Variants in NEDD4 observed in about 807,000 individuals in gnomAD.
NEDD4 encodes NEDD4 E3 ubiquitin protein ligase.
Under a neutral mutation model 144.9 loss-of-function variants are expected in NEDD4, and 99 were observed. The ratio of observed to expected loss-of-function variants is 0.68; its 90% confidence interval spans 0.58 to 0.81. The LOEUF is 0.81. NEDD4 is among the 30% of genes least tolerant of loss of function. The probability of loss-of-function intolerance (pLI) is 0.00; values close to 1 mark genes in which losing one functional copy is unlikely to be tolerated. For missense variants in NEDD4, 985 were observed against 1,065.9 expected, an observed-to-expected ratio of 0.92 and a Z score of 1.06; for synonymous variants, 318 against 350.6, an observed-to-expected ratio of 0.91 and a Z score of 1.04.
At chr15:55,990,802 A>G (rs1189380108) in intron 1 of NEDD4, among the ~76,000 whole-genome samples, 4 of 152,200 alleles carry the variant, frequency 2.6e-5, no homozygotes, top group Non-Finnish European at 5.9e-5. Context: ...GCTCTCCAAT[A>G]AAGATCAGTG....
intron 5 of NEDD4, among the ~76,000 whole-genome samples, chr15:55,889,573 G>C (rs1185815192): frequency 6.6e-6 from 1 of 152,148 alleles, no homozygotes. Flanking sequence ...AGGCTAACAA[G>C]GGTAGTGGGG....
At position 55,874,006 on chromosome 15, in the gene NEDD4, T is replaced by C. The variant is rs1422536893; in HGVS notation, c.294A>G (p.Thr98=). The part of the protein sequence containing the change: ...LFEVFDENRL[T]RDDFLGQVDV... ...CCACTTGACCTAGGAAATCATCTCTTGTCTATAAGAGAAGGAAGAAAAAAT... is the reference window on the plus strand; with the variant it reads ...CCACTTGACCTAGGAAATCATCTCTCGTCTATAAGAGAAGGAAGAAAAAAT... Residue 98 remains threonine, a splice_region_variant and synonymous_variant, in exon 6 of 29, where the codon ACA becomes ACG. Coordinates refer to ENST00000435532, the MANE Select transcript of NEDD4 (RefSeq NM_006154.4). 2 of 1,521,872 alleles carry C rather than the reference T, an allele frequency of 1.3e-6. No individual in the cohort carries two copies. Among genetic ancestry groups the C allele is most frequent in the African/African-American group, 1.4e-5 (1 of 72,734 alleles). 94.3% of individuals were successfully genotyped at this position (1,521,872 alleles called of 1,614,324 possible). A position where few individuals can be genotyped will look rare whatever the true frequency, so the allele number is the denominator to read the frequency against.
At chr15:55,833,553 C>T (rs180855906) in intron 26 of NEDD4, among the ~76,000 whole-genome samples, 3 of 152,024 alleles carry the variant, frequency 2.0e-5, no homozygotes, top group Admixed American at 6.6e-5. Flanking sequence ...CCCAGCTACT[C>T]GGGAAGCTGA....
rs2032856771 is a variant in NEDD4, at chr15:55,829,797, A to G, written c.*100T>C. 4.3e-6 allele frequency: 3 copies of G among 703,906 alleles called. No individual in the cohort carries two copies. Among genetic ancestry groups the G allele is most frequent in the Middle Eastern group, 3.4e-4 (1 of 2,956 alleles). 43.6% of individuals were successfully genotyped at this position (703,906 alleles called of 1,614,324 possible). A position where few individuals can be genotyped will look rare whatever the true frequency, so the allele number is the denominator to read the frequency against. ...ATGATTTTCTTCAAGATCTGGGAAGACTCAGTGGCCACATTTTAGTAGTTC... is the reference window on the plus strand; with the variant it reads ...ATGATTTTCTTCAAGATCTGGGAAGGCTCAGTGGCCACATTTTAGTAGTTC... On this transcript the variant is annotated 3_prime_UTR_variant, in exon 29 of 29. Coordinates refer to ENST00000435532, the MANE Select transcript of NEDD4 (RefSeq NM_006154.4).
chr15:55,892,321 TAATA>T (rs1307734876), intron 5 of NEDD4, among the ~76,000 whole-genome samples: 1 of 141,152 alleles, frequency 7.1e-6, no homozygotes, highest in Non-Finnish European at 1.6e-5. Context: ...AATAAATAAA[TAATA>T]AATATGAATT....
intron 13 of NEDD4, among the ~76,000 whole-genome samples, chr15:55,851,507 G>A (rs745624523): frequency 2.7e-5 from 4 of 149,982 alleles, no homozygotes; most frequent in Non-Finnish European, 4.4e-5. Context: ...ATGGAGTTTC[G>A]CTCTTGTTGC....
At chr15:55,875,362 T>G (rs922414519) in intron 5 of NEDD4, among the ~76,000 whole-genome samples, 5 of 152,188 alleles carry the variant, frequency 3.3e-5, no homozygotes, top group Admixed American at 1.3e-4. Context: ...CTAGCTGGAG[T>G]GCAGTGGTGC....
intron 5 of NEDD4, among the ~76,000 whole-genome samples, chr15:55,910,294 A>G (rs886667715): frequency 1.1e-4 from 17 of 151,904 alleles, no homozygotes; most frequent in African/African-American, 4.1e-4. Context: ...TCTGGCTTTT[A>G]ACCCCGCATT....
intron 4 of NEDD4, among the ~76,000 whole-genome samples, chr15:55,944,066 G>T (rs1235258976): frequency 1.3e-5 from 2 of 152,216 alleles, no homozygotes; most frequent in African/African-American, 2.4e-5. Flanking sequence ...CTCCCGGTAT[G>T]ATTGACGCAG....
At chr15:55,849,025 T>C (rs1031711322) in intron 14 of NEDD4, 139 bp from the exon 15 acceptor site, 2 of 670,114 alleles carry the variant, frequency 3.0e-6, no homozygotes, top group East Asian at 2.7e-5. Flanking sequence ...ATTTCCTAAA[T>C]ATGTGACACA....
Position 55,833,010 on chromosome 15 carries a change from T to A in NEDD4, c.2525A>T (p.Tyr842Phe). 2 of 1,605,736 alleles carry A rather than the reference T, an allele frequency of 1.2e-6. No individual in the cohort carries two copies. The highest frequency in any genetic ancestry group is 4.5e-5 in the East Asian group (2 of 44,818). ...AATGATCTATGGAAAATCCTTACCG[T>A]ATAGTTCAGCAAATCCATTCATAGG... Reference protein sequence around the residue: ...RVPMNGFAELYGSNGPQSFTV... With the variant: ...RVPMNGFAELFGSNGPQSFTV... Residue 842 changes from tyrosine (Y) to phenylalanine (F), a missense_variant and splice_region_variant, in exon 27 of 29, where the codon TAC (tyrosine) becomes TTC (phenylalanine). By Grantham distance (22) the Tyr-to-Phe change is conservative. Transcript: ENST00000435532.
intron 11 of NEDD4, among the ~76,000 whole-genome samples, chr15:55,856,666 T>C (rs11071230): frequency 0.98 from 148,749 of 152,226 alleles, 72,775 homozygotes; most frequent in East Asian, 1. Flanking sequence ...GGAGCTGAAG[T>C]CAATGACAAC....
chr15:55,912,212 C>T (rs1388983627), intron 5 of NEDD4, among the ~76,000 whole-genome samples: 1 of 151,826 alleles, frequency 6.6e-6, no homozygotes, highest in East Asian at 1.9e-4. Flanking sequence ...AAATATTCTG[C>T]TAAATTTAGT....
chr15:55,973,810 C>T (rs1315447348), intron 1 of NEDD4, among the ~76,000 whole-genome samples: 1 of 150,572 alleles, frequency 6.6e-6, no homozygotes, highest in Non-Finnish European at 1.5e-5. Flanking sequence ...GCTATAAGTA[C>T]CTACATGAAA....
chr15:55,932,688 G>T (rs1256318681), intron 4 of NEDD4, among the ~76,000 whole-genome samples: 2 of 152,130 alleles, frequency 1.3e-5, no homozygotes, highest in African/African-American at 4.8e-5. Context: ...TTAAACTAAA[G>T]AGCTTCTGTA....
intron 2 of NEDD4, among the ~76,000 whole-genome samples, chr15:55,962,770 C>G (rs1277654556): frequency 1.3e-5 from 2 of 151,196 alleles, no homozygotes; most frequent in African/African-American, 4.9e-5. Flanking sequence ...TTCATTTGTT[C>G]CTCCTTTTCC....
chr15:55,843,369 TAAG>T lies in NEDD4; in HGVS notation c.1609-1209_1609-1207del, dbSNP rs574352495. On this transcript the variant is annotated intron_variant, in intron 18 of 28. Transcript: ENST00000435532. The stretch of plus-strand genomic sequence containing the variant: ...ACACATAAAACTGAAGAAGACGACT[TAAG>T]AAAGTCTTAGCTCCTGAGTCTGTGC... Among the ~76,000 whole-genome samples, 4 of 152,326 alleles carry T rather than the reference TAAG, an allele frequency of 2.6e-5. No homozygotes were observed. In the South Asian group the frequency reaches 8.3e-4, roughly 32 times the overall value.
intron 1 of NEDD4, among the ~76,000 whole-genome samples, chr15:55,969,772 T>C (rs1032680612): frequency 3.5e-4 from 54 of 152,178 alleles, no homozygotes; most frequent in African/African-American, 1.3e-3. Context: ...CAGGCAGCAG[T>C]TGCCACAGGC....
chr15:55,894,191 C>T (rs2035664426), intron 5 of NEDD4, among the ~76,000 whole-genome samples: 1 of 152,054 alleles, frequency 6.6e-6, no homozygotes, highest in Admixed American at 6.6e-5. Context: ...AGTCAGCTCT[C>T]TCTATCGGTG....
Sources: gnomAD v4.1 joint callset for allele counts (sites outside exome capture counted in the v4.1 genomes callset) on GRCh38, gnomAD v4.1.1 for gene constraint, MANE v1.5 for transcripts, NCBI Gene and HGNC (gene_info 2026-07-23, HGNC 2026-07-21) for gene names.